The following SLC1A6 variants were observed in gnomAD, a reference collection of about 807,000 sequenced individuals.
SLC1A6 encodes the protein solute carrier family 1 member 6, also known as excitatory amino acid transporter 4.
Under a neutral mutation model 42.1 loss-of-function variants are expected in SLC1A6, and 15 were observed. That is an observed-to-expected ratio of 0.36 (90% CI 0.24 to 0.55). SLC1A6 has a LOEUF of 0.55. Among genes scored for constraint, SLC1A6 ranks in the 20% least tolerant of loss-of-function variants. The pLI, the probability that SLC1A6 is intolerant of heterozygous loss-of-function variation, is 0.88. For synonymous variants in SLC1A6, 317 were observed against 319.7 expected, an observed-to-expected ratio of 0.99 and a Z score of 0.09; for missense variants, 542 against 772.5, an observed-to-expected ratio of 0.70 and a Z score of 3.54.
chr19:14,956,724 C>A lies in SLC1A6; in HGVS notation c.936-15G>T, dbSNP rs374634461. ...CAGGTGCATACCTGTGTGAGGGAGC[C>A]ACATACCTGTCAGGGCTCCCTCCTG... On this transcript the variant is annotated splice_polypyrimidine_tract_variant and intron_variant, in intron 6 of 9. Transcript: ENST00000594383. The A allele has an allele frequency of 8.2e-5, 129 of 1,566,788 alleles. No homozygotes were observed. The African/African-American group carries it at 1.6e-3, about 19-fold the overall frequency.
intron 6 of SLC1A6, among the ~76,000 whole-genome samples, chr19:14,958,292 T>C (rs2045480071): frequency 6.6e-6 from 1 of 151,764 alleles, no homozygotes; most frequent in Non-Finnish European, 1.5e-5. Flanking sequence ...ACACCTGTAG[T>C]CCCAGCTACT....
chr19:15,008,844 GTTT>G (rs33972917), intron 1 of SLC1A6, among the ~76,000 whole-genome samples: 5 of 142,386 alleles, frequency 3.5e-5, no homozygotes, highest in Admixed American at 7.0e-5. Context: ...AATAATTCGC[GTTT>G]TTTTTTTTTT....
At chr19:14,971,707 G>A in intron 3 of SLC1A6, 30 bp downstream of exon 3, 1 of 1,611,094 alleles carries the variant, frequency 6.2e-7, no homozygotes. Context: ...GACGGGTCTT[G>A]GAGGCCAACA....
rs77472898 is a variant in SLC1A6 at position 15,001,656 on chromosome 19, C to T, written c.6+8829G>A. 7.3e-3 allele frequency among the ~76,000 whole-genome samples: 1,109 copies of T among 152,252 alleles called. 11 individuals carry two copies. Among genetic ancestry groups the T allele is most frequent in the African/African-American group, 0.024 (1,012 of 41,554 alleles). ...CACCTATTGGTTGTAAAGCCACAGT[C>T]TTCCTAACCTTCTTATTTTCTTGAG... On this transcript the variant is annotated intron_variant, in intron 1 of 8. Transcript: ENST00000430939.
chr19:14,995,614 A>C (rs2045842501), intron 1 of SLC1A6, among the ~76,000 whole-genome samples: 2 of 152,154 alleles, frequency 1.3e-5, no homozygotes, highest in African/African-American at 4.8e-5. Context: ...TTAATTGACT[A>C]GATTTAGTCA....
At chr19:14,980,115 C>T (rs951302026), upstream of SLC1A6, 3 of 152,324 alleles carry the variant, frequency 2.0e-5, no homozygotes, top group Non-Finnish European at 2.9e-5. Context: ...GCCCCCTTCT[C>T]CTTGCGGGTG....
At position 14,998,003 on chromosome 19, in the gene SLC1A6, T is replaced by TG. The variant is rs1568301469; in HGVS notation, c.6+12481_6+12482insC. Among the ~76,000 whole-genome samples the TG allele has an allele frequency of 4.6e-3, 648 of 140,524 alleles. 4 individuals carry two copies. Among genetic ancestry groups the TG allele is most frequent in the African/African-American group, 0.016 (606 of 37,098 alleles). 92.2% of individuals were successfully genotyped at this position (140,524 alleles called of 152,430 possible). ...ATATTTATGATGTACAATATGATGT[T>TG]TGTGTGTGTGTGTGTGTGTATGCAC... On this transcript the variant is annotated intron_variant, in intron 1 of 8. Transcript: ENST00000430939.
rs758143005 is a variant in SLC1A6 at position 14,971,854 on chromosome 19, G to A, written c.226C>T (p.Leu76=). The A allele has an allele frequency of 1.6e-5, 26 of 1,614,056 alleles. No individual in the cohort carries two copies. In the Middle Eastern group the frequency reaches 4.9e-4, roughly 31 times the overall value. ...VVIGVSLAFA[L]RPYQLTYRQI... is the part of the protein sequence containing the mutation. ...CGGTAGGTGAGCTGATATGGGCGCAGGGCAAAGGCCAGGCTGACCCCTAGG... is the reference window on the plus strand; with the variant it reads ...CGGTAGGTGAGCTGATATGGGCGCAAGGCAAAGGCCAGGCTGACCCCTAGG... The change falls in exon 3 of 10, where the codon CTG becomes TTG. Residue 76 remains leucine (L), a synonymous_variant. Transcript: ENST00000594383.
At chr19:14,984,806 G>C (rs2045785203), upstream of SLC1A6, among the ~76,000 whole-genome samples, 3 of 152,196 alleles carry the variant, frequency 2.0e-5, no homozygotes, top group Non-Finnish European at 4.4e-5. Context: ...CTCATGGAAA[G>C]TTTTAAAGTG....
chr19:15,006,850 G>A (rs2045898339), intron 1 of SLC1A6, among the ~76,000 whole-genome samples: 1 of 152,156 alleles, frequency 6.6e-6, no homozygotes, highest in South Asian at 2.1e-4. Context: ...TACTTAGGAG[G>A]CTGAGAGTGA....
chr19:14,963,682 C>T (rs550710308), intron 5 of SLC1A6, among the ~76,000 whole-genome samples: 1 of 152,068 alleles, frequency 6.6e-6, no homozygotes, highest in Non-Finnish European at 1.5e-5. Flanking sequence ...AGTATAGATT[C>T]TGAATTTTTC....
intron 1 of SLC1A6, among the ~76,000 whole-genome samples, chr19:14,989,661 T>TAAAA (rs1027033377): frequency 3.3e-5 from 5 of 151,870 alleles, no homozygotes; most frequent in Admixed American, 3.3e-4. Flanking sequence ...ACAGCCATTA[T>TAAAA]AAAAAACAAA....
At chr19:14,953,349 C>T (rs2045431303) in intron 8 of SLC1A6, among the ~76,000 whole-genome samples, 1 of 150,386 alleles carries the variant, frequency 6.6e-6, no homozygotes, top group Admixed American at 6.7e-5. Flanking sequence ...CAGCTCACTG[C>T]AACTCACTAC....
At chr19:14,986,762 T>A in intron 1 of SLC1A6, among the ~76,000 whole-genome samples, 1 of 151,968 alleles carries the variant, frequency 6.6e-6, no homozygotes, top group Admixed American at 6.6e-5. Flanking sequence ...GGCTAATTTT[T>A]CCTCTACTTT....
At chr19:14,955,729 G>A (rs2045456550) in intron 7 of SLC1A6, among the ~76,000 whole-genome samples, 1 of 152,054 alleles carries the variant, frequency 6.6e-6, no homozygotes, top group Admixed American at 6.6e-5. Context: ...GAGGCCAGGT[G>A]TTCGAGACCA....
chr19:14,953,840 G>C (rs1384048067), intron 8 of SLC1A6, among the ~76,000 whole-genome samples: 3 of 152,118 alleles, frequency 2.0e-5, no homozygotes, highest in Non-Finnish European at 4.4e-5. Context: ...CTATATACAA[G>C]AACCTCGGGT....
intron 9 of SLC1A6, among the ~76,000 whole-genome samples, chr19:14,952,478 C>T (rs961023718): frequency 1.3e-5 from 2 of 151,302 alleles, no homozygotes; most frequent in African/African-American, 4.8e-5. Flanking sequence ...ATGGCGTGAA[C>T]CCAGGAGGCA....
At chr19:14,989,757 G>GA (rs2045810150) in intron 1 of SLC1A6, among the ~76,000 whole-genome samples, 1 of 25,102 alleles carries the variant, frequency 4.0e-5, no homozygotes, top group African/African-American at 1.6e-4. Context: ...GGTGGCGGGG[G>GA]GTGGGGTGTG....
upstream of SLC1A6, among the ~76,000 whole-genome samples, chr19:14,981,641 G>A (rs1014940950): frequency 6.6e-6 from 1 of 152,142 alleles, no homozygotes; most frequent in Non-Finnish European, 1.5e-5. Context: ...ACTCAGCAGC[G>A]AAGACAACAG....
Sources: allele counts gnomAD v4.1 joint callset (sites outside exome capture counted in the v4.1 genomes callset), GRCh38; gene constraint gnomAD v4.1.1; transcripts MANE v1.5; gene names NCBI Gene and HGNC (gene_info 2026-07-23, HGNC 2026-07-21).